YY1AP1: variants seen among roughly 807,000 people sequenced by gnomAD.
The protein encoded by YY1AP1 is YY1-associated protein 1.
Under a neutral mutation model 39.9 loss-of-function variants are expected in YY1AP1, and 43 were observed. The ratio of observed to expected loss-of-function variants is 1.08; its 90% CI spans 0.84 to 1.39. The LOEUF (loss-of-function observed/expected upper bound fraction) is 1.39, where lower values mean the gene tolerates loss of function less well. YY1AP1 is among the 40% of genes most tolerant of loss of function. The pLI is 0.00. For missense variants in YY1AP1, 813 were observed against 900.7 expected, an observed-to-expected ratio of 0.90 and a Z score of 1.25; for synonymous variants, 292 against 331.3, an observed-to-expected ratio of 0.88 and a Z score of 1.29.
rs1261468639 is a variant in YY1AP1 at position 155,661,137 on chromosome 1, G to C, written c.996+170C>G. 3.2e-6 allele frequency: 5 copies of C among 1,539,996 alleles called. No homozygotes were observed. The African/African-American group carries it at 5.5e-5, about 17-fold the overall frequency. ...TACCCATTATTTTGAAAATGTTGTAGAATCACCCGGAGAAGGGCAGAAAAG... is the reference window on the plus strand; with the variant it reads ...TACCCATTATTTTGAAAATGTTGTACAATCACCCGGAGAAGGGCAGAAAAG... On this transcript the variant is annotated intron_variant, in intron 10 of 10. Coordinates refer to ENST00000355499, the MANE Select transcript of YY1AP1 (RefSeq NM_139119.3).
intron 6 of YY1AP1, 30 bp from the exon 7 acceptor site, chr1:155,672,761 A>C: frequency 6.2e-7 from 1 of 1,614,194 alleles, no homozygotes; most frequent in Non-Finnish European, 8.5e-7. Flanking sequence ...GGAAGATCTA[A>C]GACAATTCCA....
In YY1AP1 at chr1:155,679,459, C is replaced by T. The variant is rs1558314147; in HGVS notation, c.75G>A (p.Glu25=). The change falls in exon 4 of 11, where the codon GAG becomes GAA. Residue 25 remains glutamate, a synonymous_variant. Coordinates refer to ENST00000355499, the MANE Select transcript of YY1AP1 (RefSeq NM_139119.3). ...TAGCTTGAGGCTCAGCCACACGCTC[C>T]TCCTCTTCTGGGCCATCATCTTCCA... ...SNMEDDGPEE[E]ERVAEPQANF... 2 of 1,614,218 alleles carry T rather than the reference C, an allele frequency of 1.2e-6. No individual in the cohort carries two copies. Among genetic ancestry groups the T allele is most frequent in the Non-Finnish European group, 1.7e-6 (2 of 1,180,050 alleles).
At chr1:155,683,674 C>CAA (rs199848137) in intron 2 of YY1AP1, among the ~76,000 whole-genome samples, 10 of 151,318 alleles carry the variant, frequency 6.6e-5, no homozygotes, top group Non-Finnish European at 1.5e-4. Flanking sequence ...CAAAACAAAA[C>CAA]AAAAAAAACA....
chr1:155,676,009 G>T (rs969264197), intron 5 of YY1AP1, among the ~76,000 whole-genome samples: 1 of 152,144 alleles, frequency 6.6e-6, no homozygotes, highest in Non-Finnish European at 1.5e-5. Context: ...GGATCACGAG[G>T]TTAGGAGATC....
intron 9 of YY1AP1, among the ~76,000 whole-genome samples, chr1:155,665,755 C>T (rs1339567332): frequency 7.0e-6 from 1 of 143,186 alleles, no homozygotes; most frequent in Non-Finnish European, 1.5e-5. Flanking sequence ...CGAGATCCAG[C>T]CTGGGGGACA....
At chr1:155,675,470 G>C (rs1017674177) in intron 5 of YY1AP1, among the ~76,000 whole-genome samples, 1 of 152,026 alleles carries the variant, frequency 6.6e-6, no homozygotes, top group Non-Finnish European at 1.5e-5. Context: ...TGGGATTACA[G>C]GTGCCCGCCG....
intron 4 of YY1AP1, 94 bp downstream of exon 4, chr1:155,679,315 T>C: frequency 6.3e-7 from 1 of 1,578,916 alleles, no homozygotes; most frequent in Non-Finnish European, 8.6e-7. Context: ...AGAAGCTGGC[T>C]GGGGATGAAA....
chr1:155,671,688 C>T (rs1460457678), intron 7 of YY1AP1, among the ~76,000 whole-genome samples: 2 of 152,106 alleles, frequency 1.3e-5, no homozygotes, highest in South Asian at 2.1e-4. Context: ...ATTTCTCCTT[C>T]CATAAGTGTC....
intron 8 of YY1AP1, among the ~76,000 whole-genome samples, chr1:155,669,789 G>A (rs1030800229): frequency 2.0e-5 from 3 of 152,152 alleles, no homozygotes; most frequent in African/African-American, 7.2e-5. Context: ...CACTTTGGGA[G>A]GCCAGGAGTG....
intron 6 of YY1AP1, chr1:155,674,808 A>G: frequency 6.9e-6 from 3 of 435,488 alleles, no homozygotes; most frequent in Non-Finnish European, 8.3e-6. Flanking sequence ...CCTGGGTGAA[A>G]GAGCAAGACC....
Position 155,666,828 on chromosome 1 carries a change from T to C in YY1AP1, c.879+1799A>G, listed in dbSNP as rs149827046. 3.2e-3 allele frequency among the ~76,000 whole-genome samples: 490 copies of C among 152,114 alleles called. 1 individual carries two copies. Among genetic ancestry groups the C allele is most frequent in the African/African-American group, 0.011 (476 of 41,512 alleles). ...CAGACTGACCAACATGGTGAAATTATGTTTCTACTAAAAATATAAAAATTA... is the reference window on the plus strand; with the variant it reads ...CAGACTGACCAACATGGTGAAATTACGTTTCTACTAAAAATATAAAAATTA... On this transcript the variant is annotated intron_variant, in intron 9 of 10. Transcript: ENST00000355499.
intron 3 of YY1AP1, 176 bp downstream of exon 3, chr1:155,680,240 A>G (rs1651324802): frequency 5.0e-6 from 3 of 603,894 alleles, no homozygotes; most frequent in Non-Finnish European, 8.3e-6. Context: ...ACATGTGGAT[A>G]ATCAAGAGTC....
intron 9 of YY1AP1, among the ~76,000 whole-genome samples, chr1:155,661,807 C>T (rs2149024074): frequency 6.6e-6 from 1 of 152,292 alleles, no homozygotes; most frequent in South Asian, 2.1e-4. Context: ...AGGTGCCCGC[C>T]ACCACACCCG....
rs1652860835 is a variant in YY1AP1, at chr1:155,688,229, G to T, written c.-151-28C>A. On this transcript the variant is annotated intron_variant, in intron 1 of 10. Transcript: ENST00000355499. Reference sequence around the variant, plus strand: ...GGCGGAAATGCGAGAGAGGAGAAGGGAAAGGTGGAGGGCTAAAGGGGCAAA... The same window carrying T: ...GGCGGAAATGCGAGAGAGGAGAAGGTAAAGGTGGAGGGCTAAAGGGGCAAA... 6.2e-7 allele frequency: 1 copy of T among 1,613,032 alleles called. No individual in the cohort carries two copies. Among genetic ancestry groups the T allele is most frequent in the Non-Finnish European group, 8.5e-7 (1 of 1,179,628 alleles).
chr1:155,663,226 C>G (rs975981547), intron 9 of YY1AP1, among the ~76,000 whole-genome samples: 1 of 151,854 alleles, frequency 6.6e-6, no homozygotes, highest in Admixed American at 6.6e-5. Context: ...CAAAAATTAG[C>G]TAAGTGTGGT....
At chr1:155,664,457 G>A (rs1484921038) in intron 9 of YY1AP1, among the ~76,000 whole-genome samples, 6 of 152,076 alleles carry the variant, frequency 3.9e-5, no homozygotes, top group Non-Finnish European at 8.8e-5. Context: ...CAGACATGGA[G>A]GATGTGGTGG....
chr1:155,670,489 A>C (rs750709329), intron 7 of YY1AP1, 25 bp from the exon 8 acceptor site: 3 of 1,613,024 alleles, frequency 1.9e-6, no homozygotes, highest in African/African-American at 2.7e-5. Context: ...ATCTCTGATA[A>C]ATCAACTTCT....
chr1:155,660,758 C>T lies in YY1AP1; in HGVS notation c.1152G>A (p.Leu384=). ...LGSETRYPLL[L]PKGVVLKLKP... ...TCAGTTTCAGGACTACACCCTTAGG[C>T]AATAGCAGTGGGTACCGAGTTTCAC... The change falls in exon 11 of 11, where the codon TTG becomes TTA. Residue 384 remains leucine (L), a synonymous_variant. Coordinates refer to ENST00000355499, the MANE Select transcript of YY1AP1 (RefSeq NM_139119.3). 1 of 1,614,214 alleles carries T rather than the reference C, an allele frequency of 6.2e-7. No individual in the cohort carries two copies. Among genetic ancestry groups the T allele is most frequent in the Non-Finnish European group, 8.5e-7 (1 of 1,180,034 alleles).
At chr1:155,684,331 CAT>C (rs1651919504) in intron 2 of YY1AP1, among the ~76,000 whole-genome samples, 1 of 152,148 alleles carries the variant, frequency 6.6e-6, no homozygotes, top group African/African-American at 2.4e-5. Context: ...CATACATGCA[CAT>C]ATATGCACAC....
Sources: allele counts gnomAD v4.1 joint callset (sites outside exome capture counted in the v4.1 genomes callset), GRCh38; gene constraint gnomAD v4.1.1; transcripts MANE v1.5; gene names NCBI Gene and HGNC (gene_info 2026-07-23, HGNC 2026-07-21).